Variants in LDB2 observed in about 807,000 individuals in gnomAD.
LDB2 encodes the protein LIM domain-binding protein 2.
A neutral mutation model predicts 44.3 loss-of-function variants in LDB2; 12 were observed. The observed-to-expected ratio is 0.27, with a 90% CI of 0.17 to 0.44. The LOEUF is 0.44. LDB2 is among the 20% of genes least tolerant of loss of function. LDB2 has a pLI of 1.00. For synonymous variants in LDB2, 164 were observed against 174.8 expected (o/e 0.94, Z 0.49); for missense variants, 344 against 473.5 (o/e 0.73, Z 2.54).
intron 1 of LDB2, among the ~76,000 whole-genome samples, chr4:16,815,973 C>T (rs1292313245): frequency 1.3e-5 from 2 of 152,146 alleles, no homozygotes; most frequent in African/African-American, 4.8e-5. Flanking sequence ...TTTGGGAGGC[C>T]GAGGCGGGTG....
In LDB2 at chr4:16,582,410, C is replaced by A. The variant is rs902685792; in HGVS notation, c.615+3512G>T. ...TTGGATCCCTTCATAAAATGCCAGGCGGACAACAGGACTTCTGCTTCCCAA... is the reference window on the plus strand; with the variant it reads ...TTGGATCCCTTCATAAAATGCCAGGAGGACAACAGGACTTCTGCTTCCCAA... On this transcript the variant is annotated intron_variant, in intron 5 of 7. Coordinates refer to ENST00000304523, the MANE Select transcript of LDB2 (RefSeq NM_001290.5). This position sits in a 1 kb window ranked among gnomAD's most constrained non-coding sequence, Gnocchi z 4.8. 3.3e-5 allele frequency among the ~76,000 whole-genome samples: 5 copies of A among 152,164 alleles called. No homozygotes were observed. The highest frequency in any genetic ancestry group is 1.2e-4 in the African/African-American group (5 of 41,440).
chr4:16,643,271 G>C (rs142215812), intron 2 of LDB2, among the ~76,000 whole-genome samples: 3 of 152,042 alleles, frequency 2.0e-5, no homozygotes, highest in Non-Finnish European at 2.9e-5. Flanking sequence ...ACATACCTAC[G>C]TTCAAATCCT....
chr4:16,897,860 C>T, intron 1 of LDB2, among the ~76,000 whole-genome samples: 1 of 141,468 alleles, frequency 7.1e-6, no homozygotes. Flanking sequence ...AAATACAGGT[C>T]AAAGCAGACT....
chr4:16,613,590 G>A (rs760076700), intron 2 of LDB2, among the ~76,000 whole-genome samples: 9 of 152,128 alleles, frequency 5.9e-5, no homozygotes, highest in Non-Finnish European at 1.3e-4. Flanking sequence ...CAAAATCAAT[G>A]TGCAAACATC....
At chr4:16,645,494 G>A (rs1262726211) in intron 2 of LDB2, among the ~76,000 whole-genome samples, 1 of 142,012 alleles carries the variant, frequency 7.0e-6, no homozygotes, top group African/African-American at 2.7e-5. Flanking sequence ...CCGAGATTGC[G>A]CCACTGCAGT....
chr4:16,634,296 C>CAAA (rs35227929), intron 2 of LDB2, among the ~76,000 whole-genome samples: 12 of 105,444 alleles, frequency 1.1e-4, no homozygotes, highest in African/African-American at 2.0e-4. Flanking sequence ...TTTGCACGGC[C>CAAA]AAAAAAAAAA....
At chr4:16,586,130 C>A in intron 4 of LDB2, 125 bp from the exon 5 acceptor site, 1 of 694,436 alleles carries the variant, frequency 1.4e-6, no homozygotes, top group South Asian at 1.7e-5. Context: ...GGAGGGCAGG[C>A]TGCTGGAGGT....
At chr4:16,777,827 A>G (rs945605440) in intron 1 of LDB2, among the ~76,000 whole-genome samples, 1 of 152,224 alleles carries the variant, frequency 6.6e-6, no homozygotes, top group African/African-American at 2.4e-5. Flanking sequence ...GAGCATGATC[A>G]GTAACTCTGT....
intron 1 of LDB2, 114 bp downstream of exon 1, chr4:16,898,240 C>T: frequency 9.9e-7 from 1 of 1,008,404 alleles, no homozygotes; most frequent in South Asian, 1.8e-5. Context: ...TTTCCACGTA[C>T]GTGGTAGTAT....
intron 5 of LDB2, among the ~76,000 whole-genome samples, chr4:16,524,996 T>C (rs1274159078): frequency 6.6e-6 from 1 of 152,204 alleles, no homozygotes; most frequent in Non-Finnish European, 1.5e-5. Flanking sequence ...AGCTTTATAA[T>C]TGCAATACTG....
intron 1 of LDB2, among the ~76,000 whole-genome samples, chr4:16,804,553 C>T (rs1375786606): frequency 3.9e-5 from 6 of 152,180 alleles, no homozygotes; most frequent in Admixed American, 6.5e-5. Context: ...GAAGAAAGGG[C>T]GACTCTAAAG....
chr4:16,742,845 G>A (rs1763593085), intron 2 of LDB2, among the ~76,000 whole-genome samples: 1 of 152,136 alleles, frequency 6.6e-6, no homozygotes, highest in East Asian at 1.9e-4. Flanking sequence ...CTTGGGATGT[G>A]CTTCTTCCAC....
chr4:16,509,891 G>A (rs1721018201), intron 6 of LDB2, among the ~76,000 whole-genome samples: 1 of 152,108 alleles, frequency 6.6e-6, no homozygotes, highest in African/African-American at 2.4e-5. Context: ...CGAGGCAAGT[G>A]GATTGTTTGA....
At position 16,892,489 on chromosome 4, in the gene LDB2, T is replaced by A. The variant is rs560896252; in HGVS notation, c.132+5865A>T. Among the ~76,000 whole-genome samples, 50 of 152,368 alleles carry A rather than the reference T, an allele frequency of 3.3e-4. No individual in the cohort carries two copies. In the South Asian group the frequency reaches 0.01, roughly 31 times the overall value. ...CCTTGTCAGAAAATGACGAAGGTAT[T>A]TGTAGTATCTACATCCTTTGGACAT... On this transcript the variant is annotated intron_variant, in intron 1 of 7. Transcript: ENST00000304523.
chr4:16,520,688 C>T (rs1266560917), intron 5 of LDB2, among the ~76,000 whole-genome samples: 5 of 152,172 alleles, frequency 3.3e-5, no homozygotes, highest in African/African-American at 9.7e-5. Flanking sequence ...AGGGACCATC[C>T]TTCTTCCAGA....
chr4:16,739,589 A>ATATATAT (rs56104433), intron 2 of LDB2, among the ~76,000 whole-genome samples: 4 of 64,292 alleles, frequency 6.2e-5, no homozygotes, highest in African/African-American at 2.0e-4. Context: ...AAAAAAAAAA[A>ATATATAT]ATATATATAT....
intron 1 of LDB2, among the ~76,000 whole-genome samples, chr4:16,790,927 C>T (rs1298502846): frequency 6.6e-6 from 1 of 151,066 alleles, no homozygotes. Flanking sequence ...AGGACTTAGG[C>T]TGTGTGGATG....
intron 1 of LDB2, among the ~76,000 whole-genome samples, chr4:16,861,781 C>A (rs1580303982): frequency 6.6e-6 from 1 of 152,230 alleles, no homozygotes; most frequent in African/African-American, 2.4e-5. Flanking sequence ...ACAAACTACG[C>A]CTTGCCAGTC....
intron 1 of LDB2, among the ~76,000 whole-genome samples, chr4:16,797,811 C>A (rs1232766284): frequency 6.6e-6 from 1 of 151,662 alleles, no homozygotes; most frequent in African/African-American, 2.4e-5. Flanking sequence ...CCGAGGTGAG[C>A]GGATCACAAG....
Sources: allele counts gnomAD v4.1 joint callset (sites outside exome capture counted in the v4.1 genomes callset), GRCh38; gene constraint gnomAD v4.1.1; non-coding constraint Gnocchi (gnomAD v3.1); transcripts MANE v1.5; gene names NCBI Gene and HGNC (gene_info 2026-07-23, HGNC 2026-07-21).